CUX1: variants seen among roughly 807,000 people sequenced by gnomAD.
The protein encoded by CUX1 is protein CASP.
In CUX1, 31 loss-of-function variants were observed where a neutral mutation model predicts 158.8. The observed-to-expected ratio is 0.20, with a 90% confidence interval of 0.15 to 0.26. The LOEUF (loss-of-function observed/expected upper bound fraction) is 0.26, where lower values mean the gene tolerates loss of function less well. CUX1 is among the 10% of genes least tolerant of loss of function. CUX1 has a pLI of 1.00. For missense variants in CUX1, 1,589 were observed against 2,014.6 expected (o/e 0.79, Z 4.04); for synonymous variants, 879 against 862.1 (o/e 1.02, Z -0.34).
intron 9 of CUX1, among the ~76,000 whole-genome samples, chr7:102,165,749 C>T (rs1343787288): frequency 6.6e-6 from 1 of 152,142 alleles, no homozygotes; most frequent in African/African-American, 2.4e-5. Flanking sequence ...GGAACTTCTT[C>T]TAGGATGAGG....
chr7:101,871,390 G>A (rs1289231632), intron 1 of CUX1, among the ~76,000 whole-genome samples: 3 of 151,874 alleles, frequency 2.0e-5, no homozygotes, highest in African/African-American at 7.3e-5. Flanking sequence ...GGGGTTGGCA[G>A]GGCAGTAGAA....
At chr7:102,213,509 T>G (rs563415910) in intron 20 of CUX1, among the ~76,000 whole-genome samples, 2 of 152,274 alleles carry the variant, frequency 1.3e-5, no homozygotes, top group East Asian at 3.9e-4. Context: ...CCCTGGACCC[T>G]CCATCCTGGT....
At chr7:101,909,555 C>T (rs1267327807) in intron 1 of CUX1, among the ~76,000 whole-genome samples, 1 of 152,234 alleles carries the variant, frequency 6.6e-6, no homozygotes. Context: ...CCATGGCCGA[C>T]CTTTCCCTTT....
rs112082868 is a variant in CUX1 at position 101,958,894 on chromosome 7, G to A, written c.141+42669G>A. Among the ~76,000 whole-genome samples the A allele has an allele frequency of 9.6e-5, 11 of 114,272 alleles. 2 individuals carry two copies. The highest frequency in any genetic ancestry group is 3.1e-4 in the African/African-American group (9 of 29,198). 75.0% of individuals were successfully genotyped at this position (114,272 alleles called of 152,430 possible). On this transcript the variant is annotated intron_variant, in intron 2 of 23. Transcript: ENST00000292535. ...TTTTAAGAGACAGTATTGCCCTGTCGCCCAAGCTGGACTCCAGTGGTACAG... is the reference window on the plus strand; with the variant it reads ...TTTTAAGAGACAGTATTGCCCTGTCACCCAAGCTGGACTCCAGTGGTACAG...
chr7:102,176,385 GGGACAGCGGCAA>G (rs1264602323), intron 10 of CUX1, among the ~76,000 whole-genome samples: 3 of 152,110 alleles, frequency 2.0e-5, no homozygotes, highest in Non-Finnish European at 4.4e-5. Flanking sequence ...CTTCAGAGGG[GGGACAGCGGCAA>G]GGACAGTGGC....
intron 2 of CUX1, among the ~76,000 whole-genome samples, chr7:102,021,821 G>C (rs1298950137): frequency 6.6e-6 from 1 of 151,972 alleles, no homozygotes; most frequent in East Asian, 1.9e-4. Flanking sequence ...TCAGCCTCTC[G>C]AAGTGCTGGG....
At chr7:102,036,482 G>A (rs1336015056) in intron 3 of CUX1, among the ~76,000 whole-genome samples, 4 of 152,048 alleles carry the variant, frequency 2.6e-5, no homozygotes, top group African/African-American at 4.8e-5. Flanking sequence ...GCTCTTACCC[G>A]TAATCCCAGC....
At chr7:101,934,357 A>G (rs753831246) in intron 2 of CUX1, among the ~76,000 whole-genome samples, 1 of 152,200 alleles carries the variant, frequency 6.6e-6, no homozygotes, top group African/African-American at 2.4e-5. Context: ...ATGCGCTCCC[A>G]TTATCAGAGA....
chr7:102,135,899 G>A (rs562834141), intron 8 of CUX1, among the ~76,000 whole-genome samples: 24 of 151,680 alleles, frequency 1.6e-4, no homozygotes, highest in Admixed American at 5.9e-4. Context: ...CCTTGAACCC[G>A]GGAGGTGGAG....
At chr7:102,183,152 C>T (rs782525044) in intron 11 of CUX1, among the ~76,000 whole-genome samples, 3 of 151,974 alleles carry the variant, frequency 2.0e-5, no homozygotes, top group South Asian at 2.1e-4. Context: ...CTTGCATTCT[C>T]GGAGCCCAGG....
rs562991867 is a variant in CUX1, at chr7:102,255,113, C to A, written c.*6071C>A. ...GTCTTCCCAATCCCAGAGGCCCCGG[C>A]GGCCTGTGCTCCTCACCACCCTGGT... On this transcript the variant is annotated 3_prime_UTR_variant, in exon 24 of 24. Transcript: ENST00000292535. The A allele has an allele frequency of 4.1e-5, 40 of 985,378 alleles. No individual in the cohort carries two copies. The South Asian group carries it at 1.7e-3, about 43-fold the overall frequency. 61.0% of individuals were successfully genotyped at this position (985,378 alleles called of 1,614,324 possible). A position where few individuals can be genotyped will look rare whatever the true frequency, so the allele number is the denominator to read the frequency against.
intron 21 of CUX1, chr7:102,281,998 C>T (rs782046176): frequency 1.8e-5 from 19 of 1,029,606 alleles, no homozygotes; most frequent in Non-Finnish European, 2.1e-5. Context: ...GGGCCTGTTA[C>T]GGTGGCCTGG....
At chr7:102,096,373 C>A (rs1307247553) in intron 4 of CUX1, among the ~76,000 whole-genome samples, 9 of 152,126 alleles carry the variant, frequency 5.9e-5, no homozygotes, top group African/African-American at 2.2e-4. Context: ...CTAAGTGTTT[C>A]TTTCCTCTGC....
chr7:101,925,854 G>A lies in CUX1; in HGVS notation c.141+9629G>A, dbSNP rs368666540. ...AGGCTGAGGTAGGAGGGTCGCTTGA[G>A]TCTAGCAGGAGATTGAGGCTTCAGT... On this transcript the variant is annotated intron_variant, in intron 2 of 23. Coordinates refer to ENST00000292535, the MANE Select transcript of CUX1 (RefSeq NM_181552.4). Among the ~76,000 whole-genome samples the A allele has an allele frequency of 5.9e-5, 9 of 152,202 alleles. No individual in the cohort carries two copies. In the South Asian group the frequency reaches 1.2e-3, roughly 21 times the overall value.
chr7:101,902,151 A>T (rs1437418529), intron 1 of CUX1, among the ~76,000 whole-genome samples: 1 of 152,154 alleles, frequency 6.6e-6, no homozygotes, highest in East Asian at 1.9e-4. Flanking sequence ...TGGGGAAGAG[A>T]TGGTGGCATG....
chr7:102,003,299 C>CAT (rs1816925290), intron 2 of CUX1, among the ~76,000 whole-genome samples: 1 of 136,588 alleles, frequency 7.3e-6, no homozygotes, highest in African/African-American at 2.8e-5. Context: ...GTGCCGAACA[C>CAT]ACACACACAC....
intron 23 of CUX1, among the ~76,000 whole-genome samples, chr7:102,242,166 G>A (rs1554535180): frequency 6.6e-6 from 1 of 150,942 alleles, no homozygotes; most frequent in African/African-American, 2.4e-5. Flanking sequence ...GCTTCTCTTT[G>A]CCAGGTGCCA....
chr7:102,131,457 C>T (rs553618233), intron 8 of CUX1, among the ~76,000 whole-genome samples: 4 of 150,154 alleles, frequency 2.7e-5, no homozygotes, highest in African/African-American at 7.4e-5. Context: ...AATTCAAGAC[C>T]AGCCTGGGCA....
intron 3 of CUX1, among the ~76,000 whole-genome samples, chr7:102,030,515 A>G (rs187144938): frequency 1.3e-5 from 2 of 152,138 alleles, no homozygotes; most frequent in African/African-American, 4.8e-5. Flanking sequence ...AACCACAAAT[A>G]TCACACCTGG....
Sources: gnomAD v4.1 joint callset for allele counts (sites outside exome capture counted in the v4.1 genomes callset) on GRCh38, gnomAD v4.1.1 for gene constraint, MANE v1.5 for transcripts, NCBI Gene and HGNC (gene_info 2026-07-23, HGNC 2026-07-21) for gene names.